GPC5: variants seen among roughly 807,000 people sequenced by gnomAD.
GPC5 encodes the protein glypican-5.
A neutral mutation model predicts 53.9 loss-of-function variants in GPC5; 47 were observed. That is an observed-to-expected ratio of 0.87 (90% CI 0.69 to 1.11). The LOEUF is 1.11. Among genes scored for constraint, GPC5 ranks in the 50% most tolerant of loss-of-function variants. The probability of loss-of-function intolerance (pLI) is 0.00; values close to 1 mark genes in which losing one functional copy is unlikely to be tolerated. For synonymous variants in GPC5, 286 were observed against 263.3 expected, an observed-to-expected ratio of 1.09 and a Z score of -0.84; for missense variants, 748 against 713.1, an observed-to-expected ratio of 1.05 and a Z score of -0.56.
intron 6 of GPC5, among the ~76,000 whole-genome samples, chr13:91,943,340 T>C (rs895064706): frequency 1.6e-4 from 25 of 151,886 alleles, no homozygotes; most frequent in African/African-American, 5.6e-4. Context: ...GTTTATTGCT[T>C]CACTGAAGCT....
intron 7 of GPC5, among the ~76,000 whole-genome samples, chr13:92,212,447 T>C (rs974878732): frequency 2.0e-5 from 3 of 152,174 alleles, no homozygotes; most frequent in Non-Finnish European, 2.9e-5. Context: ...ACAGCAAAAT[T>C]CATGAGCAGC....
chr13:91,919,322 G>C (rs1359982186), intron 6 of GPC5, among the ~76,000 whole-genome samples: 1 of 152,116 alleles, frequency 6.6e-6, no homozygotes, highest in Non-Finnish European at 1.5e-5. Context: ...TTTTCTTTAT[G>C]TGCCTTCTCC....
At chr13:92,285,550 C>T (rs903859447) in intron 7 of GPC5, among the ~76,000 whole-genome samples, 1 of 152,102 alleles carries the variant, frequency 6.6e-6, no homozygotes, top group South Asian at 2.1e-4. Flanking sequence ...GAGATATAGA[C>T]CAATGGAACA....
chr13:91,704,169 G>A (rs562935937), intron 3 of GPC5, among the ~76,000 whole-genome samples: 4 of 152,122 alleles, frequency 2.6e-5, no homozygotes, highest in South Asian at 2.1e-4. Context: ...TTATCTAGGT[G>A]TGTCAATGTT....
At chr13:91,758,616 C>T (rs1370180013) in intron 5 of GPC5, among the ~76,000 whole-genome samples, 1 of 152,032 alleles carries the variant, frequency 6.6e-6, no homozygotes, top group Non-Finnish European at 1.5e-5. Context: ...TTTTTAAAGA[C>T]CTCATTCGTG....
chr13:92,410,494 T>C (rs1875994854), intron 7 of GPC5, among the ~76,000 whole-genome samples: 1 of 152,216 alleles, frequency 6.6e-6, no homozygotes. Context: ...GATGTTAATT[T>C]AAATATGTTG....
chr13:91,749,326 T>C (rs2037119326), intron 4 of GPC5, among the ~76,000 whole-genome samples: 1 of 152,238 alleles, frequency 6.6e-6, no homozygotes, highest in African/African-American at 2.4e-5. Context: ...TGTCCTCCAC[T>C]TCCATCAATG....
In GPC5 at chr13:92,740,960, G is replaced by GTGTGTGTATATATATATATATATA. The variant is rs35795926; in HGVS notation, c.1562-125321_1562-125320insGTGTGTATATATATATATATATAT. On this transcript the variant is annotated intron_variant, in intron 7 of 7. Transcript: ENST00000377067. Reference sequence around the variant, plus strand: ...TGTATGTGTGTATATATATGTATGTGTATATATATATCCTGCTGTAGCATA... The same window carrying GTGTGTGTATATATATATATATATA: ...TGTATGTGTGTATATATATGTATGTGTGTGTGTATATATATATATATATATATATATATATCCTGCTGTAGCATA... Among the ~76,000 whole-genome samples, 50 of 117,748 alleles carry GTGTGTGTATATATATATATATATA rather than the reference G, an allele frequency of 4.2e-4. 3 individuals carry two copies. Among genetic ancestry groups the GTGTGTGTATATATATATATATATA allele is most frequent in the Non-Finnish European group, 7.8e-4 (42 of 53,528 alleles). 77.2% of individuals were successfully genotyped at this position (117,748 alleles called of 152,430 possible).
intron 7 of GPC5, among the ~76,000 whole-genome samples, chr13:92,393,641 T>C (rs930619274): frequency 7.9e-5 from 12 of 152,186 alleles, no homozygotes; most frequent in African/African-American, 2.4e-4. Context: ...AGAGTGATAC[T>C]GTGCATGAAA....
At chr13:91,658,768 T>C (rs2034911635) in intron 2 of GPC5, among the ~76,000 whole-genome samples, 1 of 152,168 alleles carries the variant, frequency 6.6e-6, no homozygotes, top group Non-Finnish European at 1.5e-5. Context: ...TCATATGTAC[T>C]GTGTGCCAGA....
intron 5 of GPC5, among the ~76,000 whole-genome samples, chr13:91,806,657 C>T (rs1831565): frequency 0.52 from 78,306 of 151,930 alleles, 20,804 homozygotes; most frequent in East Asian, 0.73. Flanking sequence ...AGTAACTTCT[C>T]CCAGATTAAG....
intron 7 of GPC5, among the ~76,000 whole-genome samples, chr13:92,789,272 C>T (rs766409672): frequency 6.6e-5 from 10 of 152,186 alleles, no homozygotes; most frequent in African/African-American, 1.2e-4. Flanking sequence ...TCATGTACAC[C>T]ACATGGACTC....
At chr13:91,859,323 A>G (rs1368840448) in intron 5 of GPC5, among the ~76,000 whole-genome samples, 1 of 151,810 alleles carries the variant, frequency 6.6e-6, no homozygotes, top group African/African-American at 2.4e-5. Flanking sequence ...TGTATCCCAT[A>G]GGTTTTGGTA....
chr13:92,663,647 A>G (rs1324346859), intron 7 of GPC5, among the ~76,000 whole-genome samples: 1 of 140,314 alleles, frequency 7.1e-6, no homozygotes, highest in Admixed American at 7.3e-5. Flanking sequence ...CACACTATAT[A>G]TATACTATAT....
At chr13:91,671,780 C>CAAAAA (rs55758033) in intron 2 of GPC5, among the ~76,000 whole-genome samples, 472 of 33,084 alleles carry the variant, frequency 0.014, no homozygotes, top group Middle Eastern at 0.05. Flanking sequence ...CAATCTGAAG[C>CAAAAA]AAAAAAAAAA....
chr13:91,610,845 A>G (rs1042287195), intron 2 of GPC5, among the ~76,000 whole-genome samples: 3 of 152,208 alleles, frequency 2.0e-5, no homozygotes, highest in Non-Finnish European at 4.4e-5. Context: ...TGTTCTTGCC[A>G]GTAGAGAGTT....
rs9560822 is a variant in GPC5 at position 91,500,909 on chromosome 13, T to C, written c.325+51987T>C. Among the ~76,000 whole-genome samples, 4 of 152,310 alleles carry C rather than the reference T, an allele frequency of 2.6e-5. No homozygotes were observed. The East Asian group carries it at 7.7e-4, about 29-fold the overall frequency. ...GGTGGTGAATAAATCTCATGAGATC[T>C]GATGGTTTTATAAGGGGAAACCCCT... is the stretch of plus-strand genomic sequence containing the variant. On this transcript the variant is annotated intron_variant, in intron 2 of 7. Transcript: ENST00000377067.
At chr13:91,838,687 C>T (rs1244264629) in intron 5 of GPC5, among the ~76,000 whole-genome samples, 1 of 152,104 alleles carries the variant, frequency 6.6e-6, no homozygotes, top group South Asian at 2.1e-4. Context: ...AAATTCCCTA[C>T]GCTGGGGCTT....
At chr13:92,458,556 C>G (rs1368321970) in intron 7 of GPC5, among the ~76,000 whole-genome samples, 1 of 152,054 alleles carries the variant, frequency 6.6e-6, no homozygotes, top group African/African-American at 2.4e-5. Flanking sequence ...CTTTGGCCCC[C>G]CAAAGTGCTG....
Sources: allele counts gnomAD v4.1 joint callset (sites outside exome capture counted in the v4.1 genomes callset), GRCh38; gene constraint gnomAD v4.1.1; transcripts MANE v1.5; gene names NCBI Gene and HGNC (gene_info 2026-07-23, HGNC 2026-07-21).